Variants in KDM4C observed in about 807,000 individuals in gnomAD.
The protein encoded by KDM4C is lysine demethylase 4C.
Under a neutral mutation model 129.3 loss-of-function variants are expected in KDM4C, and 81 were observed. The observed-to-expected ratio is 0.63, with a 90% CI of 0.52 to 0.75. KDM4C has a LOEUF of 0.75. KDM4C is among the 30% of genes least tolerant of loss of function. The pLI, the probability that KDM4C is intolerant of heterozygous loss-of-function variation, is 0.00. For synonymous variants in KDM4C, 573 were observed against 456.1 expected (o/e 1.26, Z -3.26); for missense variants, 1,457 against 1,304.0 (o/e 1.12, Z -1.81).
intron 17 of KDM4C, among the ~76,000 whole-genome samples, chr9:7,053,070 C>A (rs1830429581): frequency 6.6e-6 from 1 of 152,120 alleles, no homozygotes. Flanking sequence ...AAGTAATAAA[C>A]AACACTAGTA....
At chr9:6,967,537 G>A (rs1487084463) in intron 8 of KDM4C, among the ~76,000 whole-genome samples, 6 of 152,154 alleles carry the variant, frequency 3.9e-5, no homozygotes, top group African/African-American at 1.4e-4. Flanking sequence ...AAGTCTGGGT[G>A]CAAAAGGAAC....
intron 8 of KDM4C, among the ~76,000 whole-genome samples, chr9:6,962,888 T>C (rs1298183991): frequency 6.6e-6 from 1 of 152,220 alleles, no homozygotes; most frequent in Admixed American, 6.5e-5. Flanking sequence ...TCATTATGCA[T>C]GTGAGAATTA....
At chr9:6,864,359 A>G (rs923678300) in intron 5 of KDM4C, among the ~76,000 whole-genome samples, 2 of 152,202 alleles carry the variant, frequency 1.3e-5, no homozygotes, top group African/African-American at 4.8e-5. Context: ...TCATTGAGAG[A>G]TCTGTTGCCA....
intron 8 of KDM4C, chr9:6,925,000 C>G (rs1822218428): frequency 1.0e-6 from 1 of 985,336 alleles, no homozygotes; most frequent in Non-Finnish European, 1.2e-6. Flanking sequence ...ATTAGTGAAT[C>G]TTAGGCTTCC....
intron 1 of KDM4C, among the ~76,000 whole-genome samples, chr9:6,732,922 A>G (rs887256184): frequency 9.2e-5 from 14 of 152,186 alleles, no homozygotes; most frequent in Non-Finnish European, 1.8e-4. Context: ...CTGAGGCAGG[A>G]GAATAGCTTG....
intron 20 of KDM4C, among the ~76,000 whole-genome samples, chr9:7,166,929 G>T (rs1844449950): frequency 6.6e-6 from 1 of 152,124 alleles, no homozygotes; most frequent in South Asian, 2.1e-4. Context: ...AAGCCAAGTG[G>T]CCTTTTGAGA....
intron 19 of KDM4C, among the ~76,000 whole-genome samples, chr9:7,159,675 C>G (rs4501638): frequency 0.18 from 27,085 of 152,206 alleles, 2,645 homozygotes; most frequent in Middle Eastern, 0.32. Flanking sequence ...TTTCTTCTGG[C>G]TTGTAGGGTT....
chr9:6,800,719 C>T (rs1471547137), intron 2 of KDM4C, among the ~76,000 whole-genome samples: 8 of 151,796 alleles, frequency 5.3e-5, no homozygotes, highest in Non-Finnish European at 7.4e-5. Flanking sequence ...CTTGTCCTCC[C>T]GGGCTCAAGC....
At chr9:6,957,399 C>G (rs149474942) in intron 8 of KDM4C, among the ~76,000 whole-genome samples, 1 of 152,078 alleles carries the variant, frequency 6.6e-6, no homozygotes, top group Non-Finnish European at 1.5e-5. Flanking sequence ...TTTTGGCATT[C>G]GCTTTCCATT....
At chr9:7,092,550 C>G (rs1306449157) in intron 17 of KDM4C, among the ~76,000 whole-genome samples, 6 of 152,148 alleles carry the variant, frequency 3.9e-5, no homozygotes, top group African/African-American at 1.4e-4. Context: ...TTTGGCCTCA[C>G]AGTTGAAGCA....
At chr9:6,763,692 G>A (rs1820045557) in intron 1 of KDM4C, among the ~76,000 whole-genome samples, 1 of 152,180 alleles carries the variant, frequency 6.6e-6, no homozygotes, top group Non-Finnish European at 1.5e-5. Context: ...TAGAAAAGCT[G>A]GGAAACAGGA....
chr9:6,770,728 A>ATTTGT (rs1821619510), intron 1 of KDM4C, among the ~76,000 whole-genome samples: 1 of 135,888 alleles, frequency 7.4e-6, no homozygotes, highest in Admixed American at 7.4e-5. Context: ...TTTTTTTTCA[A>ATTTGT]TATAGCCGGT....
At chr9:7,016,018 T>C in intron 15 of KDM4C, 89 bp downstream of exon 15, 1 of 893,464 alleles carries the variant, frequency 1.1e-6, no homozygotes, top group Non-Finnish European at 1.8e-6. Context: ...ATAAGATTGC[T>C]CAGGTGCTTA....
chr9:6,972,611 T>C (rs1832188755), intron 8 of KDM4C, among the ~76,000 whole-genome samples: 1 of 152,194 alleles, frequency 6.6e-6, no homozygotes, highest in Non-Finnish European at 1.5e-5. Flanking sequence ...GTTGCCAAAT[T>C]GTTGCCATGC....
chr9:6,770,704 C>T (rs1471799162), intron 1 of KDM4C, among the ~76,000 whole-genome samples: 1 of 120,838 alleles, frequency 8.3e-6, no homozygotes, highest in Non-Finnish European at 1.7e-5. Flanking sequence ...TGATGTTTTT[C>T]AACGTCTTTT....
chr9:6,806,408 T>G (rs1200579920), intron 3 of KDM4C, among the ~76,000 whole-genome samples: 1 of 151,900 alleles, frequency 6.6e-6, no homozygotes, highest in African/African-American at 2.4e-5. Flanking sequence ...GCAGGAGAAT[T>G]GCTTGAACCT....
chr9:7,043,200 C>A (rs766402406), intron 15 of KDM4C, among the ~76,000 whole-genome samples: 14 of 151,946 alleles, frequency 9.2e-5, no homozygotes, highest in African/African-American at 1.4e-4. Context: ...ATGCATTAGG[C>A]TTTCAATACA....
intron 4 of KDM4C, among the ~76,000 whole-genome samples, chr9:6,828,688 T>G (rs1834300975): frequency 6.6e-6 from 1 of 151,998 alleles, no homozygotes; most frequent in African/African-American, 2.4e-5. Context: ...CTGGCCAAAG[T>G]GGAGAAACCT....
At chr9:6,751,296 A>G (rs1420041253) in intron 1 of KDM4C, among the ~76,000 whole-genome samples, 3 of 152,054 alleles carry the variant, frequency 2.0e-5, no homozygotes, top group Non-Finnish European at 4.4e-5. Context: ...AAATACAAAA[A>G]TTAGCCAGGC....
Sources: gnomAD v4.1 joint callset for allele counts (sites outside exome capture counted in the v4.1 genomes callset) on GRCh38, gnomAD v4.1.1 for gene constraint, MANE v1.5 for transcripts, NCBI Gene and HGNC (gene_info 2026-07-23, HGNC 2026-07-21) for gene names.